MTREX: variants seen among roughly 807,000 people sequenced by gnomAD.
The protein encoded by MTREX is exosome RNA helicase MTR4.
A neutral mutation model predicts 135.4 loss-of-function variants in MTREX; 76 were observed. That is an observed-to-expected ratio of 0.56 (90% confidence interval 0.47 to 0.68). MTREX has a LOEUF of 0.68. Ranked by LOEUF, MTREX falls within the 30% of genes least tolerant of loss-of-function variation. MTREX has a pLI of 0.00. For synonymous variants in MTREX, 404 were observed against 401.6 expected, an observed-to-expected ratio of 1.01 and a Z score of -0.07; for missense variants, 920 against 1,262.1, an observed-to-expected ratio of 0.73 and a Z score of 4.11.
intron 8 of MTREX, among the ~76,000 whole-genome samples, chr5:55,344,116 G>T (rs1749693051): frequency 6.6e-6 from 1 of 152,140 alleles, no homozygotes; most frequent in African/African-American, 2.4e-5. Flanking sequence ...GGAGAAGCTA[G>T]ATCAAGTGCT....
chr5:55,329,084 A>G (rs1207313846), intron 5 of MTREX, among the ~76,000 whole-genome samples: 1 of 152,184 alleles, frequency 6.6e-6, no homozygotes, highest in African/African-American at 2.4e-5. Flanking sequence ...CTTTTTATTT[A>G]TCAGTTTGAG....
chr5:55,394,619 C>G (rs1437472301), intron 19 of MTREX, among the ~76,000 whole-genome samples: 1 of 152,118 alleles, frequency 6.6e-6, no homozygotes, highest in African/African-American at 2.4e-5. Flanking sequence ...GGAGTTCAGG[C>G]AGTAATGCTC....
intron 21 of MTREX, among the ~76,000 whole-genome samples, chr5:55,404,017 G>A (rs1384405863): frequency 6.6e-6 from 1 of 152,172 alleles, no homozygotes; most frequent in African/African-American, 2.4e-5. Context: ...TCTGTAAAAT[G>A]CAGATTTAAT....
At chr5:55,323,568 G>A (rs1261614956) in intron 2 of MTREX, among the ~76,000 whole-genome samples, 1 of 152,002 alleles carries the variant, frequency 6.6e-6, no homozygotes, top group Admixed American at 6.6e-5. Flanking sequence ...GACTACAGGC[G>A]CGTGCCACCA....
chr5:55,402,822 A>ATATGTG (rs1554034696), intron 21 of MTREX, among the ~76,000 whole-genome samples: 1 of 143,644 alleles, frequency 7.0e-6, no homozygotes, highest in African/African-American at 2.6e-5. Context: ...AGCACATTAT[A>ATATGTG]TGTGTGTGTG....
In MTREX at chr5:55,388,082, G is replaced by C. The variant is rs1221768015; in HGVS notation, c.2161G>C (p.Asp721His). ...AGAAGCTGCAAAACCAGCTAAACCT[G>C]ATGAGAAAGGAGAGATGCAGGTTTG... Reference protein sequence around the residue: ...ATEAAKPAKPDEKGEMQVVPV... With the variant: ...ATEAAKPAKPHEKGEMQVVPV... Residue 721 changes from aspartate (D) to histidine (H), a missense_variant, in exon 19 of 27, where the codon GAT becomes CAT. Transcript: ENST00000230640. The C allele has an allele frequency of 6.2e-7, 1 of 1,606,350 alleles. No homozygotes were observed. The highest frequency in any genetic ancestry group is 1.3e-5 in the African/African-American group (1 of 74,798).
intron 25 of MTREX, among the ~76,000 whole-genome samples, chr5:55,421,330 C>G (rs554462448): frequency 1.3e-5 from 2 of 152,194 alleles, no homozygotes; most frequent in South Asian, 4.1e-4. Context: ...CAGCTCTGGA[C>G]AGTTAGTGTT....
intron 18 of MTREX, among the ~76,000 whole-genome samples, chr5:55,386,215 C>T (rs537447645): frequency 1.3e-5 from 2 of 152,240 alleles, no homozygotes; most frequent in South Asian, 4.1e-4. Flanking sequence ...TTGCATTCTA[C>T]AAGCTCGGGA....
intron 9 of MTREX, 141 bp from the exon 10 acceptor site, chr5:55,344,953 C>A (rs1749706128): frequency 1.6e-6 from 1 of 617,752 alleles, no homozygotes. Context: ...ATACCTCTTA[C>A]CACAGATCAT....
chr5:55,417,021 A>G (rs1750976541), intron 25 of MTREX, among the ~76,000 whole-genome samples: 2 of 152,218 alleles, frequency 1.3e-5, no homozygotes, highest in Non-Finnish European at 2.9e-5. Context: ...TCTCTGCAAC[A>G]GAATATTAAA....
chr5:55,388,392 C>T (rs1468420555), intron 19 of MTREX, among the ~76,000 whole-genome samples: 1 of 151,960 alleles, frequency 6.6e-6, no homozygotes, highest in African/African-American at 2.4e-5. Flanking sequence ...TTGCCAGGGC[C>T]ATAAAGATTT....
At chr5:55,362,083 A>ATTTTTTTTTTTTT (rs35074192) in intron 15 of MTREX, among the ~76,000 whole-genome samples, 7 of 111,142 alleles carry the variant, frequency 6.3e-5, no homozygotes, top group African/African-American at 1.9e-4. Flanking sequence ...CGTCTGGCTA[A>ATTTTTTTTTTTTT]TTTTTTTTTT....
At chr5:55,355,882 G>A (rs1176927343) in intron 14 of MTREX, among the ~76,000 whole-genome samples, 1 of 152,218 alleles carries the variant, frequency 6.6e-6, no homozygotes, top group African/African-American at 2.4e-5. Flanking sequence ...ATGGGGGGTA[G>A]TTCTAGAATT....
intron 18 of MTREX, among the ~76,000 whole-genome samples, chr5:55,387,370 CT>C (rs1750496007): frequency 6.6e-6 from 1 of 151,916 alleles, no homozygotes; most frequent in African/African-American, 2.4e-5. Flanking sequence ...TATAACTTTC[CT>C]TTTGTATATT....
At chr5:55,407,073 TTTGAAACAG>T (rs1319557123) in intron 22 of MTREX, among the ~76,000 whole-genome samples, 1 of 152,192 alleles carries the variant, frequency 6.6e-6, no homozygotes, top group Non-Finnish European at 1.5e-5. Context: ...AAAAGACACT[TTTGAAACAG>T]TTTTTTATGT....
intron 1 of MTREX, among the ~76,000 whole-genome samples, chr5:55,311,530 T>C (rs141515720): frequency 6.6e-6 from 1 of 152,318 alleles, no homozygotes; most frequent in East Asian, 1.9e-4. Context: ...CTGTGGAGTT[T>C]CCCACATCCT....
chr5:55,382,767 G>A (rs192516732), intron 18 of MTREX, among the ~76,000 whole-genome samples: 110 of 152,084 alleles, frequency 7.2e-4, no homozygotes, highest in African/African-American at 2.4e-3. Context: ...CAAGTAGCTG[G>A]GATTACAGGC....
At chr5:55,364,419 A>T (rs1750063533) in intron 15 of MTREX, among the ~76,000 whole-genome samples, 1 of 152,166 alleles carries the variant, frequency 6.6e-6, no homozygotes, top group South Asian at 2.1e-4. Context: ...TTCTGCTATG[A>T]TGTATTATGT....
intron 25 of MTREX, 88 bp from the exon 26 acceptor site, chr5:55,422,790 G>C (rs230753): frequency 0.89 from 801,772 of 899,442 alleles, 358,642 homozygotes; most frequent in Admixed American, 0.93. Flanking sequence ...ATTAATTATC[G>C]TGTGTTCTCC....
Sources: allele counts gnomAD v4.1 joint callset (sites outside exome capture counted in the v4.1 genomes callset), GRCh38; gene constraint gnomAD v4.1.1; transcripts MANE v1.5; gene names NCBI Gene and HGNC (gene_info 2026-07-23, HGNC 2026-07-21).